The following MCC variants were observed in gnomAD, a reference collection of about 807,000 sequenced individuals.
MCC encodes MCC regulator of Wnt signaling pathway.
Under a neutral mutation model 116.2 loss-of-function variants are expected in MCC, and 90 were observed. The ratio of observed to expected loss-of-function variants is 0.77; its 90% CI spans 0.65 to 0.92. MCC has a LOEUF of 0.92. Among genes scored for constraint, MCC ranks in the 40% least tolerant of loss-of-function variants. The pLI is 0.00. For synonymous variants in MCC, 578 were observed against 510.5 expected, an observed-to-expected ratio of 1.13 and a Z score of -1.78; for missense variants, 1,516 against 1,312.2, an observed-to-expected ratio of 1.16 and a Z score of -2.40.
chr5:113,081,582 A>C (rs1478027762), intron 11 of MCC, among the ~76,000 whole-genome samples: 2 of 152,158 alleles, frequency 1.3e-5, no homozygotes, highest in Non-Finnish European at 2.9e-5. Context: ...CACTAAATCG[A>C]GGTCCCCCTG....
chr5:113,446,469 T>G (rs763656570), intron 1 of MCC, among the ~76,000 whole-genome samples: 1 of 152,106 alleles, frequency 6.6e-6, no homozygotes, highest in African/African-American at 2.4e-5. Context: ...AGAAGACATA[T>G]AAGTGGCTGA....
At chr5:113,337,284 C>T (rs373612986) in intron 3 of MCC, among the ~76,000 whole-genome samples, 2 of 152,280 alleles carry the variant, frequency 1.3e-5, no homozygotes, top group South Asian at 2.1e-4. Flanking sequence ...TCTGGCACCT[C>T]GGAGGACACC....
intron 5 of MCC, among the ~76,000 whole-genome samples, chr5:113,133,762 C>G (rs746991953): frequency 6.6e-6 from 1 of 152,152 alleles, no homozygotes; most frequent in Non-Finnish European, 1.5e-5. Flanking sequence ...GAGACTTCCT[C>G]TTTCTTACAT....
At chr5:113,355,136 T>C (rs1239679026) in intron 2 of MCC, among the ~76,000 whole-genome samples, 1 of 152,098 alleles carries the variant, frequency 6.6e-6, no homozygotes, top group African/African-American at 2.4e-5. Flanking sequence ...AAAAGAACTA[T>C]AAAAATAAAT....
At chr5:113,167,821 G>C (rs1446073040) in intron 3 of MCC, among the ~76,000 whole-genome samples, 5 of 152,042 alleles carry the variant, frequency 3.3e-5, no homozygotes, top group Non-Finnish European at 7.4e-5. Flanking sequence ...GCAGAGTTAA[G>C]GTCTTGTTAT....
At chr5:113,292,759 C>T (rs1561510884) in intron 3 of MCC, among the ~76,000 whole-genome samples, 1 of 152,164 alleles carries the variant, frequency 6.6e-6, no homozygotes, top group South Asian at 2.1e-4. Context: ...CAGCACTCTG[C>T]TGCATAGAAA....
intron 1 of MCC, chr5:113,436,725 T>C (rs1298141075): frequency 1.3e-5 from 2 of 152,170 alleles, no homozygotes; most frequent in Admixed American, 1.3e-4. Flanking sequence ...TAACAGTGTG[T>C]TTTTTCTGAA....
chr5:113,393,921 CCT>C (rs752991230), intron 1 of MCC, among the ~76,000 whole-genome samples: 15 of 152,116 alleles, frequency 9.9e-5, no homozygotes, highest in Non-Finnish European at 2.2e-4. Flanking sequence ...TCCTTGGCCC[CCT>C]GTTTTTTCAC....
intron 3 of MCC, among the ~76,000 whole-genome samples, chr5:113,228,569 A>G (rs930738954): frequency 6.6e-6 from 1 of 152,180 alleles, no homozygotes; most frequent in African/African-American, 2.4e-5. Context: ...CAAAAACAAG[A>G]AGGAAGGTGG....
At chr5:113,057,006 G>C (rs928111448) in intron 14 of MCC, among the ~76,000 whole-genome samples, 1 of 152,194 alleles carries the variant, frequency 6.6e-6, no homozygotes, top group Non-Finnish European at 1.5e-5. Context: ...GGGAAGGCCT[G>C]TGTGATCCAG....
At chr5:113,067,604 C>T (rs1177243803) in intron 13 of MCC, among the ~76,000 whole-genome samples, 1 of 152,216 alleles carries the variant, frequency 6.6e-6, no homozygotes, top group Non-Finnish European at 1.5e-5. Flanking sequence ...CCATTGCACT[C>T]CAGCCTGGGC....
chr5:113,091,514 C>A (rs755198717), intron 8 of MCC, among the ~76,000 whole-genome samples: 9 of 152,088 alleles, frequency 5.9e-5, no homozygotes, highest in Non-Finnish European at 8.8e-5. Context: ...CACTGAGGAA[C>A]CTTAAAGAGA....
rs372611507 is a variant in MCC, at chr5:113,439,328, T to C, written c.170+48917A>G. Reference sequence around the variant, plus strand: ...ATTTCAAGTGGCTCACAAAGGACAATTGGAGGGTTTCACAGAGGTGATGAG... The same window carrying C: ...ATTTCAAGTGGCTCACAAAGGACAACTGGAGGGTTTCACAGAGGTGATGAG... On this transcript the variant is annotated intron_variant, in intron 1 of 18. Transcript: ENST00000408903. Among the ~76,000 whole-genome samples the C allele has an allele frequency of 2.1e-4, 32 of 150,688 alleles. 4 individuals are homozygous for C. The highest frequency in any genetic ancestry group is 7.2e-4 in the Admixed American group (11 of 15,184).
chr5:113,186,099 G>C (rs907786637), intron 3 of MCC, among the ~76,000 whole-genome samples: 2 of 152,168 alleles, frequency 1.3e-5, no homozygotes, highest in African/African-American at 4.8e-5. Flanking sequence ...TGCTGAGGCA[G>C]CATAGAGGTC....
chr5:113,358,523 T>A (rs1768468455), intron 2 of MCC, among the ~76,000 whole-genome samples: 1 of 152,208 alleles, frequency 6.6e-6, no homozygotes, highest in African/African-American at 2.4e-5. Flanking sequence ...GAGACCTGTA[T>A]TAACAGTATC....
In MCC at chr5:113,084,158, C is replaced by A; in HGVS notation, c.1578G>T (p.Arg526Ser). ...IAERVKLSKT[R>S]SESSSSDRPV... ...GCCGATCAGATGATGACGATTCGGA[C>A]CTTGTCTTTGATAGCTTCACCCTCT... is the stretch of plus-strand genomic sequence containing the variant. Residue 526 changes from arginine to serine, a missense_variant, in exon 10 of 19, where the codon AGG (arginine) becomes AGT (serine). Coordinates refer to ENST00000408903, the MANE Select transcript of MCC (RefSeq NM_001085377.2). 1.2e-6 allele frequency: 2 copies of A among 1,614,150 alleles called. No homozygotes were observed. The highest frequency in any genetic ancestry group is 1.1e-5 in the South Asian group (1 of 91,074).
At chr5:113,416,816 A>G (rs1240464073) in intron 1 of MCC, among the ~76,000 whole-genome samples, 2 of 152,146 alleles carry the variant, frequency 1.3e-5, no homozygotes, top group Admixed American at 6.5e-5. Context: ...ATCTCATTTT[A>G]TTTTACATTT....
chr5:113,342,875 A>G (rs1477592485), intron 2 of MCC, among the ~76,000 whole-genome samples: 1 of 152,228 alleles, frequency 6.6e-6, no homozygotes, highest in African/African-American at 2.4e-5. Flanking sequence ...GGCAGCCACA[A>G]CACAAACAAC....
intron 11 of MCC, among the ~76,000 whole-genome samples, chr5:113,080,514 G>C (rs1039581063): frequency 1.3e-5 from 2 of 152,142 alleles, no homozygotes; most frequent in African/African-American, 4.8e-5. Context: ...GGACATGGAT[G>C]AAGCTGGAAA....
Sources: allele counts gnomAD v4.1 joint callset (sites outside exome capture counted in the v4.1 genomes callset), GRCh38; gene constraint gnomAD v4.1.1; transcripts MANE v1.5; gene names NCBI Gene and HGNC (gene_info 2026-07-23, HGNC 2026-07-21).